Variants in CASP6 observed in about 807,000 individuals in gnomAD.
CASP6 encodes caspase 6.
In CASP6, 20 loss-of-function variants were observed where a neutral mutation model predicts 31.8. The observed-to-expected ratio is 0.63, with a 90% confidence interval of 0.44 to 0.91. The LOEUF is 0.91. CASP6 is among the 40% of genes least tolerant of loss of function. The pLI is 0.00. For missense variants in CASP6, 328 were observed against 361.1 expected (o/e 0.91, Z 0.74); for synonymous variants, 130 against 127.8 (o/e 1.02, Z -0.12).
chr4:109,665,643 T>C, the CASP6 span, among the ~76,000 whole-genome samples: 2 of 152,236 alleles, frequency 1.3e-5, no homozygotes, highest in Non-Finnish European at 2.9e-5. Flanking sequence ...ATGGTTGTTA[T>C]ACTATATTGT....
upstream of CASP6, among the ~76,000 whole-genome samples, chr4:109,706,168 T>TATATATATATATATATATATATATATAC (rs1438834395): frequency 2.2e-5 from 2 of 92,490 alleles, no homozygotes; most frequent in African/African-American, 6.1e-5. Flanking sequence ...TATATATATA[T>TATATATATATATATATATATATATATAC]ATACACACAC....
the CASP6 span, among the ~76,000 whole-genome samples, chr4:109,668,041 G>C: frequency 2.0e-5 from 3 of 151,912 alleles, no homozygotes; most frequent in Non-Finnish European, 1.5e-5. Context: ...TTACTCATGT[G>C]AGTTTTATAG....
chr4:109,686,974 T>A (rs867041222), downstream of CASP6, among the ~76,000 whole-genome samples: 2 of 151,748 alleles, frequency 1.3e-5, no homozygotes, highest in Non-Finnish European at 2.9e-5. Context: ...GTTTTTTTTT[T>A]AAGAATATTA....
chr4:109,689,329 A>C lies in CASP6; in HGVS notation c.*1T>G, dbSNP rs1420901046. The C allele has an allele frequency of 3.3e-5, 54 of 1,612,930 alleles. No individual in the cohort carries two copies. Among genetic ancestry groups the C allele is most frequent in the Non-Finnish European group, 4.4e-5 (52 of 1,179,320 alleles). On this transcript the variant is annotated 3_prime_UTR_variant, in exon 7 of 7. Transcript: ENST00000265164. ...GTGTAAAATTAGATAGCCTCTATTAATTAATTAGATTTTGGAAAGAAATGC... is the reference window on the plus strand; with the variant it reads ...GTGTAAAATTAGATAGCCTCTATTACTTAATTAGATTTTGGAAAGAAATGC...
chr4:109,684,669 G>C, downstream of CASP6: 1 of 1,143,120 alleles, frequency 8.7e-7, no homozygotes, highest in South Asian at 1.3e-5. Flanking sequence ...TTAGGAAAAT[G>C]GTAAGTTAGA....
At chr4:109,702,865 C>T (rs3181340) in intron 1 of CASP6, 4,112 of 154,094 alleles carry the variant, frequency 0.027, 173 homozygotes, top group African/African-American at 0.093. Context: ...GACCCAGGGT[C>T]TTGGCCCGGG....
intron 4 of CASP6, among the ~76,000 whole-genome samples, chr4:109,694,917 C>T (rs1488688184): frequency 6.6e-6 from 1 of 152,184 alleles, no homozygotes; most frequent in Non-Finnish European, 1.5e-5. Flanking sequence ...ACTGCAACCT[C>T]CACCTCCCGG....
In CASP6 at chr4:109,689,378, A is replaced by AAAAC. The variant is rs1208385043; in HGVS notation, c.830_833dup (p.Phe278LeufsTer8). On this transcript the variant is annotated frameshift_variant, in exon 7 of 7. Coordinates refer to ENST00000265164, the MANE Select transcript of CASP6 (RefSeq NM_001226.4). LOFTEE classifies it high-confidence loss of function. ...GCAGCTTTTTAGTTAGCATTGAGGC[A>AAAAC]AAACAGGGAACCTGCTTCTTTCCAA... The AAAAC allele has an allele frequency of 6.2e-7, 1 of 1,614,246 alleles. No homozygotes were observed. The highest frequency in any genetic ancestry group is 1.7e-5 in the Admixed American group (1 of 60,024).
upstream of CASP6, among the ~76,000 whole-genome samples, chr4:109,707,481 G>A (rs1339615046): frequency 6.6e-6 from 1 of 151,788 alleles, no homozygotes; most frequent in Admixed American, 6.6e-5. Flanking sequence ...CTGCCGCCCG[G>A]GTTCAAGCGA....
chr4:109,690,749 C>T (rs1579105872), intron 6 of CASP6, 101 bp downstream of exon 6: 11 of 1,235,476 alleles, frequency 8.9e-6, no homozygotes, highest in African/African-American at 1.5e-5. Context: ...ATGGAATCAC[C>T]ATGTCCCAAC....
At chr4:109,687,415 GCTGTAAGGAGA>G (rs1307575386), downstream of CASP6, 11 of 774,172 alleles carry the variant, frequency 1.4e-5, no homozygotes, top group South Asian at 6.3e-5. Flanking sequence ...ACATTTTATT[GCTGTAAGGAGA>G]CGCTAAGTTT....
At chr4:109,683,435 C>A in the CASP6 span, among the ~76,000 whole-genome samples, 1 of 151,916 alleles carries the variant, frequency 6.6e-6, no homozygotes, top group Non-Finnish European at 1.5e-5. Flanking sequence ...TTATCGTTTA[C>A]CATTTTAGTT....
intron 4 of CASP6, 36 bp downstream of exon 4, chr4:109,696,374 G>A: frequency 6.9e-7 from 1 of 1,447,324 alleles, no homozygotes; most frequent in Non-Finnish European, 9.6e-7. Context: ...GGTTTCATTA[G>A]AGGAAGATGA....
At chr4:109,678,213 T>C in the CASP6 span, among the ~76,000 whole-genome samples, 3 of 152,146 alleles carry the variant, frequency 2.0e-5, no homozygotes, top group Non-Finnish European at 2.9e-5. Context: ...CTATGTCTAC[T>C]TCTTTCTGCA....
chr4:109,703,513 G>A (rs951740162), upstream of CASP6: 2 of 1,360,736 alleles, frequency 1.5e-6, no homozygotes, highest in Non-Finnish European at 1.0e-6. Context: ...CCGAGCGTGG[G>A]GCCAGTTGGT....
chr4:109,677,861 G>A, the CASP6 span, among the ~76,000 whole-genome samples: 11 of 130,640 alleles, frequency 8.4e-5, no homozygotes, highest in African/African-American at 2.5e-4. Flanking sequence ...GGTGTTTCTC[G>A]GAGAGGGGGA....
rs187930015 is a variant in CASP6 at position 109,696,481 on chromosome 4, G to A, written c.236C>T (p.Ser79Leu). ...GCATTTCACTTCAAATCCTAGATCT[G>A]AAAACCTAGTGGTATATTAAATGAA... ...ADRDNLTRRF[S>L]DLGFEVKCFN... The change falls in exon 4 of 7, where the codon TCA (serine) becomes TTA (leucine). Residue 79 changes from serine to leucine, a missense_variant. By Grantham distance (145) the Ser-to-Leu change is moderately radical. Coordinates refer to ENST00000265164, the MANE Select transcript of CASP6 (RefSeq NM_001226.4). The A allele has an allele frequency of 1.3e-4, 201 of 1,607,640 alleles. No individual in the cohort carries two copies. The East Asian group carries it at 4.2e-3, about 34-fold the overall frequency.
downstream of CASP6, chr4:109,685,284 TTTCTTCAG>T (rs1434186647): frequency 6.4e-7 from 1 of 1,562,974 alleles, no homozygotes; most frequent in Non-Finnish European, 8.8e-7. Context: ...GAGTAGGCAA[TTTCTTCAG>T]TTCTTCCACA....
At chr4:109,687,012 A>G (rs189076063), downstream of CASP6, among the ~76,000 whole-genome samples, 23 of 151,102 alleles carry the variant, frequency 1.5e-4, no homozygotes, top group African/African-American at 5.7e-4. Context: ...AAGGGTATAA[A>G]CTGTATTTTT....
Sources: allele counts gnomAD v4.1 joint callset (sites outside exome capture counted in the v4.1 genomes callset), GRCh38; gene constraint gnomAD v4.1.1; transcripts MANE v1.5; gene names NCBI Gene and HGNC (gene_info 2026-07-23, HGNC 2026-07-21).